Variants in BCAS3 observed in about 807,000 individuals in gnomAD.
BCAS3 encodes BCAS3 microtubule associated cell migration factor.
BCAS3 carries 53 observed loss-of-function variants against 116.1 expected under a neutral mutation model. That is an observed-to-expected ratio of 0.46 (90% CI 0.37 to 0.57). The LOEUF (loss-of-function observed/expected upper bound fraction) is 0.57. Among genes scored for constraint, BCAS3 ranks in the 20% least tolerant of loss-of-function variants. BCAS3 has a pLI of 0.00. For missense variants in BCAS3, 917 were observed against 1,165.4 expected (o/e 0.79, Z 3.10); for synonymous variants, 391 against 408.2 (o/e 0.96, Z 0.51).
chr17:61,176,170 AAAAG>A (rs1302482291), intron 22 of BCAS3, among the ~76,000 whole-genome samples: 11 of 150,004 alleles, frequency 7.3e-5, no homozygotes, highest in African/African-American at 2.7e-4. Flanking sequence ...AAGAAAAAGA[AAAAG>A]AAAAAATTTG....
intron 23 of BCAS3, among the ~76,000 whole-genome samples, chr17:61,373,890 T>C (rs1470684432): frequency 1.5e-5 from 2 of 132,766 alleles, no homozygotes; most frequent in Admixed American, 8.0e-5. Flanking sequence ...CTCCACCTCA[T>C]GGGTTCAAGC....
chr17:60,931,272 T>C (rs2059629122), intron 13 of BCAS3, among the ~76,000 whole-genome samples: 1 of 152,146 alleles, frequency 6.6e-6, no homozygotes, highest in Admixed American at 6.5e-5. Flanking sequence ...TAATAAACTT[T>C]ATTTTTTATT....
intron 6 of BCAS3, among the ~76,000 whole-genome samples, chr17:60,777,378 A>G (rs1476082988): frequency 6.6e-6 from 1 of 152,154 alleles, no homozygotes; most frequent in Non-Finnish European, 1.5e-5. Context: ...TAATCCCAGC[A>G]CTTTGGGAGG....
intron 6 of BCAS3, among the ~76,000 whole-genome samples, chr17:60,805,857 GTTTTTTTTT>G (rs558273934): frequency 8.2e-6 from 1 of 122,144 alleles, no homozygotes; most frequent in Non-Finnish European, 1.7e-5. Flanking sequence ...CTCAGCCTAA[GTTTTTTTTT>G]TTTTTTTTTT....
rs1407029212 is a variant in BCAS3 at position 61,013,074 on chromosome 17, T to C, written c.1487-2677T>C. 6.6e-6 allele frequency among the ~76,000 whole-genome samples: 1 copy of C among 152,072 alleles called. No homozygotes were observed. The highest frequency in any genetic ancestry group is 6.6e-5 in the Admixed American group (1 of 15,242). On this transcript the variant is annotated intron_variant, in intron 15 of 23. Transcript: ENST00000407086. The surrounding 1 kb of genome is among the most constrained non-coding windows in gnomAD (Gnocchi z 4.4). ...CATGCCCAGAATATTCCTTCTCTCC[T>C]ACCCTTATCCATATTTTGTCCAATT...
chr17:61,170,656 A>T (rs1023769550), intron 22 of BCAS3, among the ~76,000 whole-genome samples: 1 of 152,130 alleles, frequency 6.6e-6, no homozygotes, highest in African/African-American at 2.4e-5. Flanking sequence ...TCCCTGAAAG[A>T]TGGGAAATAA....
intron 22 of BCAS3, among the ~76,000 whole-genome samples, chr17:61,089,912 C>T (rs911632369): frequency 2.0e-5 from 3 of 152,066 alleles, no homozygotes; most frequent in African/African-American, 7.2e-5. Flanking sequence ...GGTACTATTT[C>T]TTAAAGGCTG....
intron 12 of BCAS3, among the ~76,000 whole-genome samples, chr17:60,918,165 TAATGGCCATCCTAATGATGTA>T (rs1439243659): frequency 2.6e-5 from 4 of 152,176 alleles, no homozygotes; most frequent in East Asian, 3.9e-4. Flanking sequence ...TTTTTAAAAA[TAATGGCCATCCTAATGATGTA>T]AATGGCCATC....
In BCAS3 at chr17:60,924,332, G is replaced by A. The variant is rs1006615214; in HGVS notation, c.994-75G>A. 34 of 1,231,792 alleles carry A rather than the reference G, an allele frequency of 2.8e-5. No individual in the cohort carries two copies. The South Asian group carries it at 3.9e-4, about 14-fold the overall frequency. 76.3% of individuals were successfully genotyped at this position (1,231,792 alleles called of 1,614,324 possible). On this transcript the variant is annotated intron_variant, in intron 12 of 23. Coordinates refer to ENST00000407086, the MANE Select transcript of BCAS3 (RefSeq NM_017679.5). ...TTATTTGGTCAGTGGTTTGTGATGTGCCTTCTTATAGGCTTCAAGCTCGGT... is the reference window on the plus strand; with the variant it reads ...TTATTTGGTCAGTGGTTTGTGATGTACCTTCTTATAGGCTTCAAGCTCGGT...
At chr17:60,775,198 G>A (rs1464790583) in intron 6 of BCAS3, among the ~76,000 whole-genome samples, 1 of 152,146 alleles carries the variant, frequency 6.6e-6, no homozygotes, top group African/African-American at 2.4e-5. Context: ...AGGTATCATA[G>A]CATTAATTGT....
chr17:61,046,611 A>G (rs2068376501), intron 19 of BCAS3, among the ~76,000 whole-genome samples: 1 of 151,978 alleles, frequency 6.6e-6, no homozygotes, highest in South Asian at 2.1e-4. Context: ...GAATCATGAC[A>G]AGAAAAAAGT....
At chr17:60,804,156 T>C (rs966567281) in intron 6 of BCAS3, among the ~76,000 whole-genome samples, 1 of 151,572 alleles carries the variant, frequency 6.6e-6, no homozygotes, top group African/African-American at 2.4e-5. Flanking sequence ...TGTATACATA[T>C]ATGCAGGTCT....
At chr17:61,335,084 C>T (rs1428417156) in intron 22 of BCAS3, among the ~76,000 whole-genome samples, 1 of 152,244 alleles carries the variant, frequency 6.6e-6, no homozygotes, top group East Asian at 1.9e-4. Context: ...CATCACTGCC[C>T]CAGCTTTCAG....
At chr17:61,092,128 T>G (rs867629493) in intron 22 of BCAS3, among the ~76,000 whole-genome samples, 50 of 152,348 alleles carry the variant, frequency 3.3e-4, no homozygotes, top group Middle Eastern at 6.8e-3. Flanking sequence ...TGCTTTTGTA[T>G]CTAACCTCTT....
rs1041142897 is a variant in BCAS3 at position 61,162,702 on chromosome 17, T to C, written c.2425+78138T>C. On this transcript the variant is annotated intron_variant, in intron 22 of 23. Coordinates refer to ENST00000407086, the MANE Select transcript of BCAS3 (RefSeq NM_017679.5). This position sits in a 1 kb window ranked among gnomAD's most constrained non-coding sequence, Gnocchi z 5.6. ...GTAAACCAGTTCAGGGATATACTTC[T>C]CTTTCTGAAACTGATTCCATGTCAT... 1.3e-5 allele frequency among the ~76,000 whole-genome samples: 2 copies of C among 152,214 alleles called. No homozygotes were observed. The highest frequency in any genetic ancestry group is 3.8e-4 in the East Asian group (2 of 5,196).
chr17:61,246,900 C>T (rs1010738538), intron 22 of BCAS3, among the ~76,000 whole-genome samples: 2 of 151,546 alleles, frequency 1.3e-5, no homozygotes, highest in Admixed American at 1.3e-4. Flanking sequence ...TCCCATCATT[C>T]GGAGACCCAT....
At chr17:61,015,713 T>C in intron 15 of BCAS3, 38 bp from the exon 16 acceptor site, 1 of 1,607,860 alleles carries the variant, frequency 6.2e-7, no homozygotes, top group Non-Finnish European at 8.5e-7. Flanking sequence ...ATAGAGAACC[T>C]TCCTCAGTGA....
chr17:60,895,773 A>G (rs571127180), intron 10 of BCAS3, among the ~76,000 whole-genome samples: 1 of 152,334 alleles, frequency 6.6e-6, no homozygotes, highest in South Asian at 2.1e-4. Flanking sequence ...ATTTTAAAGA[A>G]TTGACTCAGT....
chr17:61,159,154 A>G (rs527367292), intron 22 of BCAS3, among the ~76,000 whole-genome samples: 2 of 152,138 alleles, frequency 1.3e-5, no homozygotes, highest in Non-Finnish European at 2.9e-5. Flanking sequence ...TAAGAATTAC[A>G]CACAGAAGCA....
Sources: allele counts gnomAD v4.1 joint callset (sites outside exome capture counted in the v4.1 genomes callset), GRCh38; gene constraint gnomAD v4.1.1; non-coding constraint Gnocchi (gnomAD v3.1); transcripts MANE v1.5; gene names NCBI Gene and HGNC (gene_info 2026-07-23, HGNC 2026-07-21).